The following SLC2A4 variants were observed in gnomAD, a reference collection of about 807,000 sequenced individuals.
The protein encoded by SLC2A4 is solute carrier family 2, facilitated glucose transporter member 4.
Under a neutral mutation model 53.3 loss-of-function variants are expected in SLC2A4, and 31 were observed. The ratio of observed to expected loss-of-function variants is 0.58; its 90% CI spans 0.44 to 0.78. The LOEUF (loss-of-function observed/expected upper bound fraction) is 0.78, where lower values mean the gene tolerates loss of function less well. Among genes scored for constraint, SLC2A4 ranks in the 30% least tolerant of loss-of-function variants. The pLI, the probability that SLC2A4 is intolerant of heterozygous loss-of-function variation, is 0.00. For synonymous variants in SLC2A4, 276 were observed against 281.9 expected (o/e 0.98, Z 0.21); for missense variants, 538 against 655.7 (o/e 0.82, Z 1.96).
chr17:7,286,164 T>C (rs1262434941), intron 10 of SLC2A4: 5 of 620,200 alleles, frequency 8.1e-6, no homozygotes, highest in South Asian at 5.7e-5. Context: ...TTTGCATTAA[T>C]ACTACAAACA....
chr17:7,286,610 G>T lies in SLC2A4; in HGVS notation c.1511G>T (p.Gly504Val). ...CCCAGCACAGAACTTGAGTATTTAG[G>T]GCCAGATGAGAACGACTGAGGGGCC... is the stretch of plus-strand genomic sequence containing the variant. ...VKPSTELEYLGPDEND is the reference protein window; with the variant it reads ...VKPSTELEYLVPDEND Residue 504 changes from glycine to valine, a missense_variant, in exon 11 of 11, where the codon GGG becomes GTG. Transcript: ENST00000317370. The T allele has an allele frequency of 6.2e-7, 1 of 1,614,140 alleles. No individual in the cohort carries two copies. Among genetic ancestry groups the T allele is most frequent in the Non-Finnish European group, 8.5e-7 (1 of 1,180,032 alleles).
Position 7,284,083 on chromosome 17 carries a change from C to T in SLC2A4, c.558C>T (p.Ile186=), listed in dbSNP as rs145632483. Residue 186 remains isoleucine, a synonymous_variant, in exon 5 of 11, where the codon ATC becomes ATT. Transcript: ENST00000317370. This position sits in a 1 kb window ranked among gnomAD's most constrained non-coding sequence, Gnocchi z 7.5. The part of the protein sequence containing the change: ...NQLAIVIGIL[I]AQVLGLESLL... ...TGGCCATTGTTATCGGCATTCTGAT[C>T]GCCCAGGTGACCGGAGCAAGCCTCA... 635 of 1,613,506 alleles carry T rather than the reference C, an allele frequency of 3.9e-4. 2 individuals carry two copies. The African/African-American group carries it at 6.3e-3, about 16-fold the overall frequency.
rs2072420651 is a variant in SLC2A4 at position 7,283,535 on chromosome 17, C to T, written c.213C>T (p.Ser71=). The T allele has an allele frequency of 6.2e-7, 1 of 1,614,010 alleles. No homozygotes were observed. The highest frequency in any genetic ancestry group is 1.7e-5 in the Admixed American group (1 of 60,020). ...GGCAGGGGCCTGAGGGACCCAGCTC[C>T]ATCCCTCCAGGCACCCTCACCACCC... is the stretch of plus-strand genomic sequence containing the variant. The part of the protein sequence containing the change: ...LGRQGPEGPS[S]IPPGTLTTLW... The change falls in exon 3 of 11, where the codon TCC becomes TCT. Residue 71 remains serine (S), a synonymous_variant. Coordinates refer to ENST00000317370, the MANE Select transcript of SLC2A4 (RefSeq NM_001042.3). The surrounding 1 kb of genome is among the most constrained non-coding windows in gnomAD (Gnocchi z 5.8).
At position 7,286,473 on chromosome 17, in the gene SLC2A4, G is replaced by A. The variant is rs146879129; in HGVS notation, c.1374G>A (p.Leu458=). The A allele has an allele frequency of 2.5e-6, 4 of 1,614,156 alleles. No individual in the cohort carries two copies. The highest frequency in any genetic ancestry group is 1.3e-5 in the African/African-American group (1 of 75,028). ...YVFLLFAVLL[L]GFFIFTFLRV... The stretch of plus-strand genomic sequence containing the variant: ...TCCTTCTATTTGCGGTCCTCCTGCT[G>A]GGCTTCTTCATCTTCACCTTCTTAA... Residue 458 remains leucine, a synonymous_variant, in exon 11 of 11, where the codon CTG becomes CTA. Coordinates refer to ENST00000317370, the MANE Select transcript of SLC2A4 (RefSeq NM_001042.3).
In SLC2A4 at chr17:7,282,252, G is replaced by A. The variant is rs1482755460; in HGVS notation, c.33+285G>A. ...GTAGGCGGCGCGGCGCTCCGGAATC[G>A]GGGACACCCTGCCCTCGATCCGACT... On this transcript the variant is annotated intron_variant, in intron 1 of 10. Transcript: ENST00000317370. The surrounding 1 kb of genome is among the most constrained non-coding windows in gnomAD (Gnocchi z 4.1). The A allele has an allele frequency of 1.7e-6, 1 of 598,542 alleles. No individual in the cohort carries two copies. Among genetic ancestry groups the A allele is most frequent in the Non-Finnish European group, 3.1e-6 (1 of 321,522 alleles). 37.1% of individuals were successfully genotyped at this position (598,542 alleles called of 1,614,324 possible).
chr17:7,284,112 G>C lies in SLC2A4; in HGVS notation c.564+23G>C. On this transcript the variant is annotated intron_variant, in intron 5 of 10. Transcript: ENST00000317370. The surrounding 1 kb of genome is among the most constrained non-coding windows in gnomAD (Gnocchi z 7.5). The stretch of plus-strand genomic sequence containing the variant: ...CAGGTGACCGGAGCAAGCCTCATGG[G>C]TGCCTGGGCAGTGGTTAGAGTGGGG... The C allele has an allele frequency of 6.2e-7, 1 of 1,611,472 alleles. No homozygotes were observed. Among genetic ancestry groups the C allele is most frequent in the Non-Finnish European group, 8.5e-7 (1 of 1,178,006 alleles).
In SLC2A4 at chr17:7,285,064, G is replaced by T. The variant is rs1366286070; in HGVS notation, c.1021-24G>T. On this transcript the variant is annotated intron_variant, in intron 8 of 10. Transcript: ENST00000317370. The surrounding 1 kb of genome is among the most constrained non-coding windows in gnomAD (Gnocchi z 6.0). ...TACTTCCCGTGCCCAAAAGGCTGGG[G>T]TCAAGCTCCGACTCTCCCCGCAGGT... The T allele has an allele frequency of 6.2e-7, 1 of 1,608,134 alleles. No individual in the cohort carries two copies. Among genetic ancestry groups the T allele is most frequent in the South Asian group, 1.1e-5 (1 of 90,650 alleles).
rs2072435621 is a variant in SLC2A4 at position 7,284,891 on chromosome 17, T to C, written c.972T>C (p.Tyr324=). 2.5e-6 allele frequency: 4 copies of C among 1,614,222 alleles called. No individual in the cohort carries two copies. The East Asian group carries it at 8.9e-5, about 36-fold the overall frequency. Residue 324 remains tyrosine (Y), a synonymous_variant, in exon 8 of 11, where the codon TAT becomes TAC. Transcript: ENST00000317370. This position sits in a 1 kb window ranked among gnomAD's most constrained non-coding sequence, Gnocchi z 7.5. ...CAGCAGGGGTAGGCCAGCCTGCCTA[T>C]GCCACCATAGGAGCTGGTGTGGTCA... ...FETAGVGQPA[Y]ATIGAGVVNT...
At position 7,282,691 on chromosome 17, in the gene SLC2A4, C is replaced by T. The variant is rs562829032; in HGVS notation, c.34-554C>T. On this transcript the variant is annotated intron_variant, in intron 1 of 10. Transcript: ENST00000317370. The surrounding 1 kb of genome is among the most constrained non-coding windows in gnomAD (Gnocchi z 4.1). ...GACCGGGATGTCCTTTCTGGAACAG[C>T]ACTTCTTGGTCCTGTTGGGGGCCTC... 2.2e-4 allele frequency among the ~76,000 whole-genome samples: 34 copies of T among 152,360 alleles called. No homozygotes were observed. In the South Asian group the frequency reaches 3.7e-3, roughly 17 times the overall value.
Position 7,281,824 on chromosome 17 carries a change from C to A in SLC2A4, c.-111C>A, listed in dbSNP as rs2072403981. 1 of 1,180,708 alleles carries A rather than the reference C, an allele frequency of 8.5e-7. No individual in the cohort carries two copies. Among genetic ancestry groups the A allele is most frequent in the Non-Finnish European group, 1.2e-6 (1 of 810,624 alleles). The allele number at this position is 1,180,708 out of a possible 1,614,324, so 73.1% of individuals were successfully genotyped here. A position where few individuals can be genotyped will look rare whatever the true frequency, so the allele number is the denominator to read the frequency against. ...ATCGGGCCCGCCCTCGCACGTCACT[C>A]CGGGACCCCCGCGGCCTCCGCAGGT... On this transcript the variant is annotated 5_prime_UTR_variant, in exon 1 of 11. Transcript: ENST00000317370.
In SLC2A4 at chr17:7,282,511, G is replaced by T. The variant is rs923521873; in HGVS notation, c.33+544G>T. 7.2e-6 allele frequency: 3 copies of T among 416,630 alleles called. No homozygotes were observed. In the East Asian group the frequency reaches 2.2e-4, roughly 30 times the overall value. 25.8% of individuals were successfully genotyped at this position (416,630 alleles called of 1,614,324 possible). The stretch of plus-strand genomic sequence containing the variant: ...CTTGGAGACAGTCTGTGCCGCCAGC[G>T]AGCGGCCACCACTGCCACCGCCCCT... On this transcript the variant is annotated intron_variant, in intron 1 of 10. Coordinates refer to ENST00000317370, the MANE Select transcript of SLC2A4 (RefSeq NM_001042.3). The surrounding 1 kb of genome is among the most constrained non-coding windows in gnomAD (Gnocchi z 4.1).
rs374677388 is a variant in SLC2A4, at chr17:7,283,649, C to T, written c.323+4C>T. On this transcript the variant is annotated splice_donor_region_variant and intron_variant, in intron 3 of 10. Transcript: ENST00000317370. This position sits in a 1 kb window ranked among gnomAD's most constrained non-coding sequence, Gnocchi z 5.8. ...TCATCTCTCAGTGGCTTGGAAGGTTCGCAGCTGGAGGGCAGGGGTGGGGGA... is the reference window on the plus strand; with the variant it reads ...TCATCTCTCAGTGGCTTGGAAGGTTTGCAGCTGGAGGGCAGGGGTGGGGGA... The T allele has an allele frequency of 1.3e-5, 21 of 1,613,602 alleles. No individual in the cohort carries two copies. Among genetic ancestry groups the T allele is most frequent in the African/African-American group, 1.2e-4 (9 of 74,814 alleles).
At position 7,283,444 on chromosome 17, in the gene SLC2A4, C is replaced by A; in HGVS notation, c.151-29C>A. 6.2e-7 allele frequency: 1 copy of A among 1,612,894 alleles called. No homozygotes were observed. The highest frequency in any genetic ancestry group is 8.5e-7 in the Non-Finnish European group (1 of 1,179,366). ...GGGGTGGTGGAAAGGGGACGGTCTG[C>A]AGGAAATCTGTCCTCTGCTGTCCCC... On this transcript the variant is annotated intron_variant, in intron 2 of 10. Coordinates refer to ENST00000317370, the MANE Select transcript of SLC2A4 (RefSeq NM_001042.3). This position sits in a 1 kb window ranked among gnomAD's most constrained non-coding sequence, Gnocchi z 5.8.
chr17:7,286,924 A>C lies in SLC2A4; in HGVS notation c.*295A>C, dbSNP rs1166774701. ...TTTCCTCCCCACCTTCCCCAGACTC[A>C]GCTCCAGAATACCTTCTTCGCTGCT... On this transcript the variant is annotated 3_prime_UTR_variant, in exon 11 of 11. Coordinates refer to ENST00000317370, the MANE Select transcript of SLC2A4 (RefSeq NM_001042.3). 7 of 412,768 alleles carry C rather than the reference A, an allele frequency of 1.7e-5. No individual in the cohort carries two copies. Among genetic ancestry groups the C allele is most frequent in the Non-Finnish European group, 3.2e-5 (7 of 219,066 alleles). The allele number at this position is 412,768 out of a possible 1,614,324, so 25.6% of individuals were successfully genotyped here.
Position 7,285,599 on chromosome 17 carries a change from T to TA in SLC2A4, c.1123-105dup. 2 of 1,110,138 alleles carry TA rather than the reference T, an allele frequency of 1.8e-6. No individual in the cohort carries two copies. Among genetic ancestry groups the TA allele is most frequent in the Admixed American group, 1.9e-5 (1 of 51,890 alleles). The allele number at this position is 1,110,138 out of a possible 1,614,324, so 68.8% of individuals were successfully genotyped here. ...CTCTAACCCGGGACAGCAGGCCCCC[T>TA]ACAAGCTGCTGCGGAGGGGGTTAGG... On this transcript the variant is annotated intron_variant, in intron 9 of 10. Coordinates refer to ENST00000317370, the MANE Select transcript of SLC2A4 (RefSeq NM_001042.3). This position sits in a 1 kb window ranked among gnomAD's most constrained non-coding sequence, Gnocchi z 6.0.
rs950993022 is a variant in SLC2A4, at chr17:7,281,868, G to GTC, written c.-66_-65dup. On this transcript the variant is annotated 5_prime_UTR_variant, in exon 1 of 11. Transcript: ENST00000317370. ...CGCAGGTTCTGCGCTCCAGGCCGGA[G>GTC]TCAGAGACTCCAGGATCGGTTCTTT... 1.3e-6 allele frequency: 2 copies of GTC among 1,533,432 alleles called. No individual in the cohort carries two copies. Among genetic ancestry groups the GTC allele is most frequent in the African/African-American group, 2.7e-5 (2 of 73,140 alleles). 95.0% of individuals were successfully genotyped at this position (1,533,432 alleles called of 1,614,324 possible).
chr17:7,286,009 C>G (rs751549160), intron 10 of SLC2A4, 101 bp downstream of exon 10: 2 of 1,142,110 alleles, frequency 1.8e-6, no homozygotes, highest in Non-Finnish European at 2.5e-6. Context: ...AGCCACAGAC[C>G]ATGGGTCTTT....
chr17:7,286,137 A>G (rs2072447679), intron 10 of SLC2A4: 1 of 612,136 alleles, frequency 1.6e-6, no homozygotes, highest in Non-Finnish European at 2.9e-6. Flanking sequence ...CCTTACTCCA[A>G]GAATAAAATG....
In SLC2A4 at chr17:7,283,717, C is replaced by T; in HGVS notation, c.324-21C>T. The T allele has an allele frequency of 6.2e-7, 1 of 1,614,002 alleles. No homozygotes were observed. The highest frequency in any genetic ancestry group is 8.5e-7 in the Non-Finnish European group (1 of 1,180,016). On this transcript the variant is annotated intron_variant, in intron 3 of 10. Transcript: ENST00000317370. The surrounding 1 kb of genome is among the most constrained non-coding windows in gnomAD (Gnocchi z 5.8). ...TGCTGGGTGCCCTCACCCTCACAGC[C>T]TCACTCTGTCTGCCTGCCAGGAAAA...
Sources: allele counts gnomAD v4.1 joint callset (sites outside exome capture counted in the v4.1 genomes callset), GRCh38; gene constraint gnomAD v4.1.1; non-coding constraint Gnocchi (gnomAD v3.1); transcripts MANE v1.5; gene names NCBI Gene and HGNC (gene_info 2026-07-23, HGNC 2026-07-21).